The following LRRC72 variants were observed in gnomAD, a reference collection of about 807,000 sequenced individuals.
LRRC72 encodes the protein leucine-rich repeat-containing protein 72.
In LRRC72, 41 loss-of-function variants were observed where a neutral mutation model predicts 35.8. The ratio of observed to expected loss-of-function variants is 1.15; its 90% CI spans 0.89 to 1.49. LRRC72 has a LOEUF of 1.49. LRRC72 is among the 40% of genes most tolerant of loss of function. LRRC72 has a pLI of 0.00. For missense variants in LRRC72, 389 were observed against 330.7 expected (o/e 1.18, Z -1.37); for synonymous variants, 118 against 119.2 (o/e 0.99, Z 0.07).
intron 5 of LRRC72, among the ~76,000 whole-genome samples, chr7:16,566,087 T>C (rs940226991): frequency 1.3e-5 from 2 of 152,238 alleles, no homozygotes; most frequent in Non-Finnish European, 2.9e-5. Flanking sequence ...CAGTTCCTAG[T>C]GGATAGTAAG....
chr7:16,532,257 T>C (rs1025435544), intron 1 of LRRC72, among the ~76,000 whole-genome samples: 1 of 152,168 alleles, frequency 6.6e-6, no homozygotes, highest in Non-Finnish European at 1.5e-5. Flanking sequence ...CATATTTTTT[T>C]CTCTCTGATT....
intron 6 of LRRC72, 108 bp downstream of exon 6, chr7:16,566,510 C>T: frequency 3.5e-6 from 2 of 569,620 alleles, no homozygotes; most frequent in Non-Finnish European, 5.7e-6. Context: ...AAAAATATAT[C>T]TTTGAATAAT....
At chr7:16,569,032 AGAATATTAAAATAAATATT>A (rs1352847852) in intron 7 of LRRC72, among the ~76,000 whole-genome samples, 26 of 152,228 alleles carry the variant, frequency 1.7e-4, no homozygotes, top group Admixed American at 5.9e-4. Context: ...GAAAAGTTAA[AGAATATTAAAATAAATATT>A]GGTATATGCC....
chr7:16,558,558 C>A (rs569970563), intron 4 of LRRC72, among the ~76,000 whole-genome samples: 1 of 151,860 alleles, frequency 6.6e-6, no homozygotes, highest in South Asian at 2.1e-4. Context: ...TACAGTGACC[C>A]GAGATTGTGC....
At position 16,567,469 on chromosome 7, in the gene LRRC72, TC is replaced by T. The variant is rs760091534; in HGVS notation, c.597del (p.Phe199LeufsTer33). 2 of 1,536,014 alleles carry T rather than the reference TC, an allele frequency of 1.3e-6. No homozygotes were observed. Among genetic ancestry groups the T allele is most frequent in the South Asian group, 2.5e-5 (2 of 81,170 alleles). ...KKAHIVQSIA[F>X]GGKVDASWDP... ...GCTCATATCGTTCAATCAATAGCAT[TC>T]GGAGGAAAAGTGGATGCTTCATGGG... On this transcript the variant is annotated frameshift_variant, in exon 7 of 9. Transcript: ENST00000401542. LOFTEE classifies it high-confidence loss of function.
chr7:16,561,090 T>A (rs1425072182), intron 5 of LRRC72, among the ~76,000 whole-genome samples: 4 of 152,200 alleles, frequency 2.6e-5, no homozygotes, highest in African/African-American at 7.2e-5. Flanking sequence ...AATAAATATT[T>A]ATAATCTATT....
At chr7:16,547,475 C>T (rs1782469060) in intron 3 of LRRC72, among the ~76,000 whole-genome samples, 3 of 152,192 alleles carry the variant, frequency 2.0e-5, no homozygotes, top group Non-Finnish European at 4.4e-5. Flanking sequence ...GCCCCATCCT[C>T]CTAGGCACAG....
intron 7 of LRRC72, among the ~76,000 whole-genome samples, chr7:16,579,833 T>C (rs1783109048): frequency 6.6e-6 from 1 of 152,168 alleles, no homozygotes; most frequent in South Asian, 2.1e-4. Flanking sequence ...GGTTTTGAGA[T>C]TTGTATTGTA....
chr7:16,529,613 T>C lies in LRRC72; in HGVS notation c.90+2571T>C, dbSNP rs144628937. ...CACCATGGATTCACTGAAATGTGAA[T>C]TGGAACATTTTCATGTTTCTGGGCA... On this transcript the variant is annotated intron_variant, in intron 1 of 8. Coordinates refer to ENST00000401542, the MANE Select transcript of LRRC72 (RefSeq NM_001195280.2). 5.5e-3 allele frequency among the ~76,000 whole-genome samples: 837 copies of C among 152,316 alleles called. 12 individuals are homozygous for C. The highest frequency in any genetic ancestry group is 0.037 in the Middle Eastern group (11 of 294).
At chr7:16,572,458 A>G (rs2128338891) in intron 7 of LRRC72, among the ~76,000 whole-genome samples, 1 of 152,330 alleles carries the variant, frequency 6.6e-6, no homozygotes, top group Middle Eastern at 3.4e-3. Context: ...ATCCACCATG[A>G]TCAAGCCAGC....
chr7:16,529,485 C>G (rs1782127232), intron 1 of LRRC72, among the ~76,000 whole-genome samples: 3 of 151,940 alleles, frequency 2.0e-5, no homozygotes, highest in South Asian at 2.1e-4. Flanking sequence ...CTTAAGGGAC[C>G]ACGAACTGTG....
chr7:16,534,025 T>C (rs1782211513), intron 2 of LRRC72, among the ~76,000 whole-genome samples: 1 of 152,158 alleles, frequency 6.6e-6, no homozygotes, highest in African/African-American at 2.4e-5. Flanking sequence ...ATTAATCGAC[T>C]CCTTGTGAGA....
chr7:16,548,320 A>C (rs1562742588), intron 3 of LRRC72, among the ~76,000 whole-genome samples: 1 of 152,246 alleles, frequency 6.6e-6, no homozygotes, highest in Non-Finnish European at 1.5e-5. Flanking sequence ...GCCATAACAC[A>C]AACAGGGCTG....
intron 4 of LRRC72, among the ~76,000 whole-genome samples, chr7:16,558,001 TAAGA>T (rs10605667): frequency 0.23 from 35,418 of 151,882 alleles, 4,935 homozygotes; most frequent in African/African-American, 0.37. Flanking sequence ...CATGCACCGC[TAAGA>T]AAGAACATCT....
chr7:16,549,289 T>C (rs979874463), intron 3 of LRRC72, among the ~76,000 whole-genome samples: 1 of 152,220 alleles, frequency 6.6e-6, no homozygotes, highest in African/African-American at 2.4e-5. Context: ...AGAATTTCCA[T>C]GACAGAAGCA....
intron 1 of LRRC72, among the ~76,000 whole-genome samples, chr7:16,531,829 A>C (rs1429721870): frequency 1.3e-5 from 2 of 152,198 alleles, no homozygotes; most frequent in African/African-American, 4.8e-5. Flanking sequence ...CTAAAGTTTT[A>C]TTTTTAAAAC....
chr7:16,580,003 A>G (rs1783113348), intron 7 of LRRC72, 71 bp from the exon 8 acceptor site: 5 of 335,114 alleles, frequency 1.5e-5, no homozygotes, highest in South Asian at 7.7e-5. Context: ...CCTTTATAGC[A>G]TTGTTCCACT....
rs1782517168 is a variant in LRRC72 at position 16,549,831 on chromosome 7, C to T, written c.235-7529C>T. Among the ~76,000 whole-genome samples the T allele has an allele frequency of 2.0e-5, 3 of 151,604 alleles. No individual in the cohort carries two copies. In the South Asian group the frequency reaches 6.3e-4, roughly 32 times the overall value. On this transcript the variant is annotated intron_variant, in intron 3 of 8. Coordinates refer to ENST00000401542, the MANE Select transcript of LRRC72 (RefSeq NM_001195280.2). ...ACAGCCAAAAAGTTATAACTGTGTC[C>T]CATATTTTATTAATGTTTAGAAAGA...
At chr7:16,566,505 T>C in intron 6 of LRRC72, 103 bp downstream of exon 6, 1 of 593,692 alleles carries the variant, frequency 1.7e-6, no homozygotes, top group Non-Finnish European at 2.7e-6. Context: ...TTGTAAAAAA[T>C]ATATCTTTGA....
Sources: allele counts gnomAD v4.1 joint callset (sites outside exome capture counted in the v4.1 genomes callset), GRCh38; gene constraint gnomAD v4.1.1; transcripts MANE v1.5; gene names NCBI Gene and HGNC (gene_info 2026-07-23, HGNC 2026-07-21).